Variants in SEMA3A observed in about 807,000 individuals in gnomAD.
SEMA3A encodes the protein semaphorin 3A, also known as semaphorin-3A.
A neutral mutation model predicts 97.9 loss-of-function variants in SEMA3A; 29 were observed. That is an observed-to-expected ratio of 0.30 (90% CI 0.22 to 0.40). The LOEUF is 0.40. SEMA3A is among the 10% of genes least tolerant of loss of function. The pLI, the probability that SEMA3A is intolerant of heterozygous loss-of-function variation, is 1.00. For missense variants in SEMA3A, 763 were observed against 951.3 expected (o/e 0.80, Z 2.60); for synonymous variants, 321 against 323.7 (o/e 0.99, Z 0.09).
intron 1 of SEMA3A, among the ~76,000 whole-genome samples, chr7:84,410,488 A>T (rs532451873): frequency 6.6e-6 from 1 of 152,270 alleles, no homozygotes; most frequent in East Asian, 1.9e-4. Flanking sequence ...AAAGAAGAAA[A>T]TTACTTATGT....
At chr7:84,451,225 A>C (rs139753541) in intron 1 of SEMA3A, among the ~76,000 whole-genome samples, 1 of 152,076 alleles carries the variant, frequency 6.6e-6, no homozygotes, top group South Asian at 2.1e-4. Context: ...TTTCATGTGG[A>C]TATCCAGTTT....
intron 1 of SEMA3A, among the ~76,000 whole-genome samples, chr7:84,142,789 C>T (rs1262405463): frequency 6.6e-6 from 1 of 151,998 alleles, no homozygotes; most frequent in African/African-American, 2.4e-5. Context: ...GAGATATTTC[C>T]CTCCAAAGTC....
chr7:84,402,196 G>A (rs1257923330), intron 1 of SEMA3A, among the ~76,000 whole-genome samples: 3 of 151,988 alleles, frequency 2.0e-5, no homozygotes, highest in Admixed American at 2.0e-4. Flanking sequence ...AATAAAAAAG[G>A]CCTGGATAGA....
chr7:84,123,906 G>T (rs1795710835), intron 3 of SEMA3A, among the ~76,000 whole-genome samples: 1 of 151,942 alleles, frequency 6.6e-6, no homozygotes, highest in Non-Finnish European at 1.5e-5. Context: ...TCCATTCTTT[G>T]TGGAATAGTT....
intron 2 of SEMA3A, among the ~76,000 whole-genome samples, chr7:84,348,089 T>C (rs1266027997): frequency 6.6e-6 from 1 of 152,156 alleles, no homozygotes; most frequent in Non-Finnish European, 1.5e-5. Context: ...TCAATTTCAC[T>C]GTGAACCTAA....
intron 1 of SEMA3A, among the ~76,000 whole-genome samples, chr7:84,421,967 C>T (rs1804607861): frequency 6.6e-6 from 1 of 151,906 alleles, no homozygotes; most frequent in South Asian, 2.1e-4. Context: ...GGGATATTGG[C>T]CTGACATTTT....
chr7:84,162,208 A>G (rs1199969739), intron 1 of SEMA3A, among the ~76,000 whole-genome samples: 1 of 152,194 alleles, frequency 6.6e-6, no homozygotes, highest in African/African-American at 2.4e-5. Context: ...AATGCCATTT[A>G]TTAGGCCTAT....
intron 3 of SEMA3A, among the ~76,000 whole-genome samples, chr7:84,221,940 T>C (rs1405306779): frequency 6.6e-6 from 1 of 150,878 alleles, no homozygotes; most frequent in Non-Finnish European, 1.5e-5. Flanking sequence ...CTTCAATTTG[T>C]AAAAAAAAAC....
intron 1 of SEMA3A, among the ~76,000 whole-genome samples, chr7:84,438,059 GC>G (rs1408918053): frequency 6.6e-6 from 1 of 151,976 alleles, no homozygotes; most frequent in East Asian, 1.9e-4. Context: ...AGAAAAATTT[GC>G]AAGAATTATA....
intron 3 of SEMA3A, among the ~76,000 whole-genome samples, chr7:84,275,862 T>C (rs1800280229): frequency 6.6e-6 from 1 of 152,146 alleles, no homozygotes; most frequent in Admixed American, 6.6e-5. Flanking sequence ...GAAATAATTT[T>C]ATTTTTATGA....
intron 1 of SEMA3A, among the ~76,000 whole-genome samples, chr7:84,392,906 T>C (rs530040390): frequency 2.8e-5 from 4 of 144,646 alleles, no homozygotes; most frequent in South Asian, 2.1e-4. Flanking sequence ...TTTCAGTCTA[T>C]AGAGTTGTTT....
intron 4 of SEMA3A, among the ~76,000 whole-genome samples, chr7:84,093,396 A>G (rs1242125896): frequency 1.3e-5 from 2 of 152,178 alleles, no homozygotes; most frequent in Non-Finnish European, 2.9e-5. Flanking sequence ...GGTAGACTAC[A>G]ATACAAGTCA....
At chr7:84,136,006 G>T (rs537504680) in intron 1 of SEMA3A, among the ~76,000 whole-genome samples, 8 of 152,166 alleles carry the variant, frequency 5.3e-5, no homozygotes, top group Non-Finnish European at 1.0e-4. Context: ...TTTGTGCTTG[G>T]AAGCTAATTA....
chr7:84,133,975 T>C (rs1370576003), intron 2 of SEMA3A, among the ~76,000 whole-genome samples: 1 of 149,530 alleles, frequency 6.7e-6, no homozygotes. Context: ...GACAGGAGAA[T>C]GGCGTGAACC....
intron 14 of SEMA3A, among the ~76,000 whole-genome samples, chr7:83,978,608 T>C (rs558900447): frequency 2.0e-5 from 3 of 152,294 alleles, no homozygotes; most frequent in African/African-American, 7.2e-5. Flanking sequence ...GAATTGCAAA[T>C]ATGGAATTTG....
At chr7:84,485,413 C>T (rs1042305747) in intron 1 of SEMA3A, among the ~76,000 whole-genome samples, 2 of 151,364 alleles carry the variant, frequency 1.3e-5, no homozygotes, top group South Asian at 4.2e-4. Flanking sequence ...TCTTACTCTG[C>T]CACCCAGGCT....
intron 2 of SEMA3A, among the ~76,000 whole-genome samples, chr7:84,364,038 C>T (rs985146376): frequency 1.3e-5 from 2 of 151,672 alleles, no homozygotes; most frequent in African/African-American, 4.8e-5. Context: ...ATGGTACTTG[C>T]TCACTAATTC....
chr7:84,280,665 T>A (rs971839570), intron 3 of SEMA3A, among the ~76,000 whole-genome samples: 1 of 151,996 alleles, frequency 6.6e-6, no homozygotes, highest in African/African-American at 2.4e-5. Context: ...ACACCTGTAA[T>A]CCTAGGTACA....
chr7:84,180,242 G>A (rs892834275), intron 1 of SEMA3A, among the ~76,000 whole-genome samples: 2 of 150,922 alleles, frequency 1.3e-5, no homozygotes, highest in East Asian at 2.0e-4. Context: ...CACCGTGCCC[G>A]GCCTGCTTAG....
Sources: allele counts gnomAD v4.1 joint callset (sites outside exome capture counted in the v4.1 genomes callset), GRCh38; gene constraint gnomAD v4.1.1; transcripts MANE v1.5; gene names NCBI Gene and HGNC (gene_info 2026-07-23, HGNC 2026-07-21).